Variants in ARPC1A observed in about 807,000 individuals in gnomAD.
ARPC1A encodes the protein actin related protein 2/3 complex subunit 1A, also known as actin-related protein 2/3 complex subunit 1A.
ARPC1A carries 8 observed loss-of-function variants against 46.9 expected under a neutral mutation model. That is an observed-to-expected ratio of 0.17 (90% CI 0.10 to 0.31). ARPC1A has a LOEUF of 0.31. Among genes scored for constraint, ARPC1A ranks in the 10% least tolerant of loss-of-function variants. The pLI is 1.00. For missense variants in ARPC1A, 286 were observed against 483.6 expected, an observed-to-expected ratio of 0.59 and a Z score of 3.83; for synonymous variants, 152 against 169.0, an observed-to-expected ratio of 0.90 and a Z score of 0.78.
At chr7:99,330,893 C>A (rs1227701890) in intron 1 of ARPC1A, among the ~76,000 whole-genome samples, 1 of 152,132 alleles carries the variant, frequency 6.6e-6, no homozygotes, top group Non-Finnish European at 1.5e-5. Context: ...AAAATGTTCC[C>A]ATTTCAGTTA....
intron 1 of ARPC1A, among the ~76,000 whole-genome samples, chr7:99,330,891 C>G (rs28394605): frequency 3.4e-4 from 51 of 152,218 alleles, no homozygotes; most frequent in African/African-American, 1.2e-3. Flanking sequence ...GAAAAATGTT[C>G]CCATTTCAGT....
intron 2 of ARPC1A, among the ~76,000 whole-genome samples, chr7:99,334,797 T>G (rs1406305206): frequency 1.3e-5 from 2 of 152,280 alleles, no homozygotes; most frequent in East Asian, 3.9e-4. Flanking sequence ...TTATCATGTC[T>G]GAGCCTCCCA....
chr7:99,345,074 A>G (rs1793425124), intron 4 of ARPC1A, among the ~76,000 whole-genome samples: 1 of 151,614 alleles, frequency 6.6e-6, no homozygotes, highest in African/African-American at 2.4e-5. Flanking sequence ...AGCTGGGATT[A>G]CAGTCACCTG....
At chr7:99,332,913 TTGA>T (rs1306357924) in intron 1 of ARPC1A, among the ~76,000 whole-genome samples, 1 of 137,966 alleles carries the variant, frequency 7.2e-6, no homozygotes. Flanking sequence ...CTTTTTTTTT[TTGA>T]GACAGAGTCT....
intron 5 of ARPC1A, among the ~76,000 whole-genome samples, chr7:99,351,760 A>T (rs1452066349): frequency 3.3e-5 from 5 of 152,222 alleles, no homozygotes; most frequent in Admixed American, 2.0e-4. Flanking sequence ...CGGTTCTTTT[A>T]GGGAGCCTTT....
chr7:99,340,071 G>A (rs1040480582), intron 3 of ARPC1A: 1 of 448,738 alleles, frequency 2.2e-6, no homozygotes, highest in Admixed American at 2.4e-5. Context: ...TATTAGCCAT[G>A]AGAGTTTTTC....
chr7:99,344,173 G>T, intron 3 of ARPC1A, 120 bp from the exon 4 acceptor site: 1 of 824,630 alleles, frequency 1.2e-6, no homozygotes, highest in South Asian at 1.7e-5. Flanking sequence ...GGAAGGATGT[G>T]CCTGGGAGGA....
intron 2 of ARPC1A, 70 bp from the exon 3 acceptor site, chr7:99,338,111 T>C: frequency 1.7e-6 from 2 of 1,199,864 alleles, no homozygotes; most frequent in Non-Finnish European, 2.4e-6. Context: ...TTAAAACAAC[T>C]GTGACATGTC....
At chr7:99,334,270 G>A (rs1314995524) in intron 2 of ARPC1A, among the ~76,000 whole-genome samples, 1 of 151,872 alleles carries the variant, frequency 6.6e-6, no homozygotes, top group Non-Finnish European at 1.5e-5. Context: ...GCTGTGGCAG[G>A]AAAATCGCTT....
chr7:99,351,953 C>A (rs1562800967), intron 5 of ARPC1A, among the ~76,000 whole-genome samples: 1 of 152,142 alleles, frequency 6.6e-6, no homozygotes, highest in Non-Finnish European at 1.5e-5. Flanking sequence ...CGGGCGACAC[C>A]ACCTATAAAG....
At chr7:99,326,038 T>G (rs1179018913) in intron 1 of ARPC1A, 34 bp downstream of exon 1, 1 of 152,286 alleles carries the variant, frequency 6.6e-6, no homozygotes, top group Non-Finnish European at 1.5e-5. Context: ...TCTCACCCTG[T>G]CGGCCTCTCT....
intron 1 of ARPC1A, among the ~76,000 whole-genome samples, chr7:99,331,243 A>C (rs1466990801): frequency 6.6e-6 from 1 of 152,020 alleles, no homozygotes; most frequent in Non-Finnish European, 1.5e-5. Context: ...ATCTCTACAA[A>C]AATTACCTGG....
chr7:99,340,014 G>A (rs1276438010), intron 3 of ARPC1A: 2 of 456,124 alleles, frequency 4.4e-6, no homozygotes, highest in South Asian at 3.1e-5. Flanking sequence ...GCTTCTGTAA[G>A]TTGTATTTTC....
intron 2 of ARPC1A, chr7:99,335,547 T>G (rs572264919): frequency 6.8e-6 from 2 of 294,626 alleles, no homozygotes; most frequent in South Asian, 5.0e-5. Context: ...ATTTTGGTTA[T>G]TGTGTCGCTT....
At chr7:99,353,650 T>C (rs1483248148) in intron 5 of ARPC1A, among the ~76,000 whole-genome samples, 1 of 151,752 alleles carries the variant, frequency 6.6e-6, no homozygotes, top group Non-Finnish European at 1.5e-5. Flanking sequence ...GCTAATTTTG[T>C]GTATTTTTAG....
intron 2 of ARPC1A, 91 bp from the exon 3 acceptor site, chr7:99,338,090 A>G (rs185998113): frequency 2.6e-5 from 24 of 913,306 alleles, no homozygotes; most frequent in African/African-American, 8.5e-5. Context: ...TTTCCTTACT[A>G]TAGTCTGCTT....
rs569593134 is a variant in ARPC1A, at chr7:99,331,327, G to A, written c.-29-1998G>A. On this transcript the variant is annotated intron_variant, in intron 1 of 9. Coordinates refer to ENST00000262942, the MANE Select transcript of ARPC1A (RefSeq NM_006409.4). Reference sequence around the variant, plus strand: ...GGAGGATCACTTGAGGCCAGAAGACGGAGGCTGCAGTGAGCATAGATTGCA... The same window carrying A: ...GGAGGATCACTTGAGGCCAGAAGACAGAGGCTGCAGTGAGCATAGATTGCA... Among the ~76,000 whole-genome samples the A allele has an allele frequency of 1.1e-4, 17 of 152,006 alleles. No individual in the cohort carries two copies. The South Asian group carries it at 1.2e-3, about 11-fold the overall frequency.
intron 1 of ARPC1A, among the ~76,000 whole-genome samples, chr7:99,328,296 G>A (rs1793084410): frequency 6.6e-6 from 1 of 152,168 alleles, no homozygotes; most frequent in Non-Finnish European, 1.5e-5. Flanking sequence ...TTGAACCCGG[G>A]AGACGGAGGT....
rs1382792215 is a variant in ARPC1A at position 99,359,732 on chromosome 7, G to A, written c.977G>A (p.Ser326Asn). The A allele has an allele frequency of 6.2e-7, 1 of 1,614,010 alleles. No homozygotes were observed. Among genetic ancestry groups the A allele is most frequent in the Non-Finnish European group, 8.5e-7 (1 of 1,180,052 alleles). Residue 326 changes from serine to asparagine, a missense_variant, in exon 8 of 10, where the codon AGC becomes AAC. Physicochemically the swap from Ser to Asn is conservative, Grantham distance 46 (BLOSUM62 1). Transcript: ENST00000262942. ...NTALETLHQNSITQVSIYEVD... is the reference protein window; with the variant it reads ...NTALETLHQNNITQVSIYEVD... ...GCCTTGGAGACGCTGCACCAGAATA[G>A]CATCACGTAGGTGCCGTCTGTAGAG...
Sources: gnomAD v4.1 joint callset for allele counts (sites outside exome capture counted in the v4.1 genomes callset) on GRCh38, gnomAD v4.1.1 for gene constraint, MANE v1.5 for transcripts, NCBI Gene and HGNC (gene_info 2026-07-23, HGNC 2026-07-21) for gene names.